Variants in MYT1L observed in about 807,000 individuals in gnomAD.
MYT1L encodes the protein myelin transcription factor 1 like.
In MYT1L, 12 loss-of-function variants were observed where a neutral mutation model predicts 126.7. The observed-to-expected ratio is 0.09, with a 90% CI of 0.06 to 0.15. The LOEUF (loss-of-function observed/expected upper bound fraction) is 0.15. Ranked by LOEUF, MYT1L falls within the 10% of genes least tolerant of loss-of-function variation. The pLI is 1.00. For synonymous variants in MYT1L, 541 were observed against 604.2 expected (o/e 0.90, Z 1.53); for missense variants, 979 against 1,585.2 (o/e 0.62, Z 6.49).
intron 3 of MYT1L, among the ~76,000 whole-genome samples, chr2:2,069,015 A>ACACAAG (rs1558913284): frequency 5.9e-5 from 9 of 152,012 alleles, no homozygotes; most frequent in Non-Finnish European, 1.2e-4. Flanking sequence ...CTGGGGCTGC[A>ACACAAG]GAGTAAAACT....
At chr2:1,832,539 A>G (rs557627693) in intron 21 of MYT1L, among the ~76,000 whole-genome samples, 69 of 152,310 alleles carry the variant, frequency 4.5e-4, no homozygotes, top group African/African-American at 1.6e-3. Flanking sequence ...TCTGTTTCCT[A>G]AACAGTCCTC....
At chr2:1,951,350 G>A (rs1258228383) in intron 8 of MYT1L, among the ~76,000 whole-genome samples, 1 of 152,036 alleles carries the variant, frequency 6.6e-6, no homozygotes, top group Non-Finnish European at 1.5e-5. Flanking sequence ...CCAGCAGAGG[G>A]GACAGAGATG....
At chr2:2,081,056 T>G (rs986069150) in intron 3 of MYT1L, among the ~76,000 whole-genome samples, 1 of 151,942 alleles carries the variant, frequency 6.6e-6, no homozygotes, top group Admixed American at 6.6e-5. Context: ...CTTTTTGGAG[T>G]GTTGAAGAGG....
At chr2:1,853,250 C>G (rs1367817916) in intron 18 of MYT1L, among the ~76,000 whole-genome samples, 1 of 152,206 alleles carries the variant, frequency 6.6e-6, no homozygotes, top group Non-Finnish European at 1.5e-5. Flanking sequence ...GCTCCCATCA[C>G]TGCTCTTCAG....
intron 1 of MYT1L, among the ~76,000 whole-genome samples, chr2:2,317,565 A>C (rs1218238096): frequency 6.6e-6 from 1 of 152,154 alleles, no homozygotes; most frequent in African/African-American, 2.4e-5. Context: ...GTCTAGGTTG[A>C]CTATGTGTGG....
intron 2 of MYT1L, among the ~76,000 whole-genome samples, chr2:2,200,801 C>T (rs1358261745): frequency 2.6e-5 from 4 of 152,162 alleles, no homozygotes; most frequent in East Asian, 1.9e-4. Flanking sequence ...TGTTCGGCTC[C>T]GGTGTGTTGC....
At chr2:1,813,577 C>A (rs908100327) in intron 21 of MYT1L, among the ~76,000 whole-genome samples, 5 of 152,162 alleles carry the variant, frequency 3.3e-5, no homozygotes, top group Non-Finnish European at 5.9e-5. Flanking sequence ...CGCCTCCCGA[C>A]ACGTCAGCGG....
At chr2:2,229,923 C>T (rs935129040) in intron 2 of MYT1L, among the ~76,000 whole-genome samples, 22 of 152,228 alleles carry the variant, frequency 1.4e-4, no homozygotes, top group African/African-American at 5.1e-4. Context: ...TAAATCCTTC[C>T]GGTGAAAAAC....
intron 2 of MYT1L, among the ~76,000 whole-genome samples, chr2:2,233,881 C>T (rs1051250605): frequency 2.0e-5 from 3 of 152,170 alleles, no homozygotes; most frequent in African/African-American, 4.8e-5. Flanking sequence ...GAGAAACAGC[C>T]ACTGCTCAAG....
intron 3 of MYT1L, among the ~76,000 whole-genome samples, chr2:2,133,029 G>A (rs72767394): frequency 0.037 from 5,575 of 152,142 alleles, 153 homozygotes; most frequent in African/African-American, 0.056. Context: ...TAACAAGGAG[G>A]AGAGGTATGC....
At chr2:2,149,158 T>G (rs2085345319) in intron 3 of MYT1L, among the ~76,000 whole-genome samples, 1 of 152,220 alleles carries the variant, frequency 6.6e-6, no homozygotes, top group African/African-American at 2.4e-5. Context: ...TCTCCCTTGG[T>G]TTCTCAATTA....
At chr2:1,795,562 G>A (rs2033287422) in intron 23 of MYT1L, 1 of 152,354 alleles carries the variant, frequency 6.6e-6, no homozygotes, top group African/African-American at 2.4e-5. Context: ...AGGCATCCCT[G>A]ATCACAGGTG....
intron 18 of MYT1L, among the ~76,000 whole-genome samples, chr2:1,882,055 C>A (rs1223156351): frequency 6.6e-6 from 1 of 152,198 alleles, no homozygotes; most frequent in Admixed American, 6.5e-5. Context: ...GTTCTCACAT[C>A]CGTAAAATGG....
chr2:1,932,584 T>A (rs1164281546), intron 9 of MYT1L, among the ~76,000 whole-genome samples: 1 of 152,192 alleles, frequency 6.6e-6, no homozygotes, highest in Non-Finnish European at 1.5e-5. Flanking sequence ...TAATAAATAC[T>A]GTGATGCCAC....
At chr2:2,126,266 A>T (rs542966400) in intron 3 of MYT1L, among the ~76,000 whole-genome samples, 7 of 152,374 alleles carry the variant, frequency 4.6e-5, no homozygotes, top group African/African-American at 1.7e-4. Context: ...CATGCTCAAT[A>T]AACAATGATC....
intron 8 of MYT1L, among the ~76,000 whole-genome samples, chr2:1,958,487 A>G (rs571380502): frequency 1.2e-3 from 177 of 152,320 alleles, no homozygotes; most frequent in African/African-American, 4.2e-3. Context: ...TAGGTGACTC[A>G]TTTGTCATAG....
intron 3 of MYT1L, among the ~76,000 whole-genome samples, chr2:2,139,482 T>C (rs1452121802): frequency 6.6e-6 from 1 of 151,370 alleles, no homozygotes; most frequent in Non-Finnish European, 1.5e-5. Flanking sequence ...TGTATATATA[T>C]ACAAAAATTA....
At chr2:2,289,273 A>ATTGAGT in intron 1 of MYT1L, among the ~76,000 whole-genome samples, 1 of 152,184 alleles carries the variant, frequency 6.6e-6, no homozygotes, top group Non-Finnish European at 1.5e-5. Flanking sequence ...ATGTTGGCCA[A>ATTGAGT]AAAGCTTTCT....
chr2:2,281,426 TTAATA>T (rs1364511054), intron 2 of MYT1L, among the ~76,000 whole-genome samples: 1 of 152,226 alleles, frequency 6.6e-6, no homozygotes, highest in African/African-American at 2.4e-5. Context: ...TGTTTTCTTT[TTAATA>T]TAATTGTTGT....
Sources: gnomAD v4.1 joint callset for allele counts (sites outside exome capture counted in the v4.1 genomes callset) on GRCh38, gnomAD v4.1.1 for gene constraint, MANE v1.5 for transcripts, NCBI Gene and HGNC (gene_info 2026-07-23, HGNC 2026-07-21) for gene names.